The following DOK6 variants were observed in gnomAD, a reference collection of about 807,000 sequenced individuals.
DOK6 encodes the protein docking protein 6.
A neutral mutation model predicts 44.0 loss-of-function variants in DOK6; 22 were observed. The observed-to-expected ratio is 0.50, with a 90% CI of 0.36 to 0.71. DOK6 has a LOEUF of 0.71. Among genes scored for constraint, DOK6 ranks in the 30% least tolerant of loss-of-function variants. The probability of loss-of-function intolerance (pLI) is 0.00; values close to 1 mark genes in which losing one functional copy is unlikely to be tolerated. For synonymous variants in DOK6, 166 were observed against 145.5 expected (o/e 1.14, Z -1.01); for missense variants, 340 against 416.4 (o/e 0.82, Z 1.60).
At chr18:69,614,931 G>A (rs1021577933) in intron 3 of DOK6, among the ~76,000 whole-genome samples, 1 of 151,826 alleles carries the variant, frequency 6.6e-6, no homozygotes, top group Non-Finnish European at 1.5e-5. Flanking sequence ...AGATTGGAGG[G>A]GCTCACTTTC....
intron 5 of DOK6, among the ~76,000 whole-genome samples, chr18:69,711,485 G>T (rs994931395): frequency 6.6e-6 from 1 of 152,080 alleles, no homozygotes; most frequent in Non-Finnish European, 1.5e-5. Flanking sequence ...GCAATTAGTT[G>T]GTATATTCTC....
intron 1 of DOK6, among the ~76,000 whole-genome samples, chr18:69,519,684 C>G (rs1981634050): frequency 6.6e-6 from 1 of 151,846 alleles, no homozygotes. Context: ...ATTATTTTAT[C>G]AGTTTTACTG....
chr18:69,653,580 A>G, intron 3 of DOK6, among the ~76,000 whole-genome samples: 1 of 152,226 alleles, frequency 6.6e-6, no homozygotes, highest in Non-Finnish European at 1.5e-5. Context: ...TTCTGTAAAT[A>G]TCCCACATTT....
intron 2 of DOK6, among the ~76,000 whole-genome samples, chr18:69,575,331 A>G (rs1983213769): frequency 6.6e-6 from 1 of 152,122 alleles, no homozygotes. Flanking sequence ...ATTTTCATTA[A>G]GCAATTAGAA....
chr18:69,836,791 A>G (rs1982066936), intron 7 of DOK6, among the ~76,000 whole-genome samples: 1 of 152,212 alleles, frequency 6.6e-6, no homozygotes, highest in Admixed American at 6.5e-5. Context: ...TTGAAGCCAC[A>G]GAGTTGATTT....
rs1982348422 is a variant in DOK6 at position 69,846,542 on chromosome 18, GAT to G, written c.*5160_*5161del. The G allele has an allele frequency of 6.6e-6, 1 of 152,162 alleles. No homozygotes were observed. 9.4% of individuals were successfully genotyped at this position (152,162 alleles called of 1,614,324 possible). On this transcript the variant is annotated 3_prime_UTR_variant, in exon 8 of 8. Coordinates refer to ENST00000382713, the MANE Select transcript of DOK6 (RefSeq NM_152721.6). ...AGAGGTGTTATGGGGCAATTCATTA[GAT>G]TTCTGGTAGGTCATGAATGGTTGGT...
intron 1 of DOK6, among the ~76,000 whole-genome samples, chr18:69,433,674 A>G (rs1978869282): frequency 6.6e-6 from 1 of 152,168 alleles, no homozygotes; most frequent in South Asian, 2.1e-4. Flanking sequence ...TATTGAAAAA[A>G]AAACAAAAAC....
chr18:69,422,322 A>G (rs1978516116), intron 1 of DOK6, among the ~76,000 whole-genome samples: 1 of 152,196 alleles, frequency 6.6e-6, no homozygotes, highest in Non-Finnish European at 1.5e-5. Flanking sequence ...CTTCTCTGAA[A>G]TATAATTTTA....
chr18:69,599,485 T>C lies in DOK6; in HGVS notation c.276T>C (p.Phe92=), dbSNP rs754890322. 6.2e-7 allele frequency: 1 copy of C among 1,613,842 alleles called. No homozygotes were observed. The highest frequency in any genetic ancestry group is 1.1e-5 in the South Asian group (1 of 91,056). The change falls in exon 3 of 8, where the codon TTT becomes TTC. Residue 92 remains phenylalanine (F), a synonymous_variant. Transcript: ENST00000382713. ...IIFHDETSKT[F]ACESELEAEE... ...TTCACGATGAAACATCGAAGACATT[T>C]GCCTGTGAGTCAGGTAAGCTATTAT...
At chr18:69,783,484 C>T (rs180710290) in intron 7 of DOK6, among the ~76,000 whole-genome samples, 5 of 152,190 alleles carry the variant, frequency 3.3e-5, no homozygotes, top group African/African-American at 4.8e-5. Context: ...GTAAATTTAA[C>T]GTTACATTGG....
At chr18:69,564,432 A>C in intron 1 of DOK6, 55 bp from the exon 2 acceptor site, 1 of 1,491,032 alleles carries the variant, frequency 6.7e-7, no homozygotes, top group Admixed American at 1.9e-5. Context: ...TCAACTCCTA[A>C]TGTCGTAAAC....
At chr18:69,516,484 T>C (rs548679478) in intron 1 of DOK6, among the ~76,000 whole-genome samples, 3 of 152,232 alleles carry the variant, frequency 2.0e-5, no homozygotes, top group South Asian at 4.1e-4. Flanking sequence ...TGCAAAGACA[T>C]AGAGACATAA....
chr18:69,482,538 A>T (rs973131684), intron 1 of DOK6, among the ~76,000 whole-genome samples: 1 of 152,072 alleles, frequency 6.6e-6, no homozygotes, highest in South Asian at 2.1e-4. Context: ...TCATGACATT[A>T]TATGCTGGAA....
intron 1 of DOK6, among the ~76,000 whole-genome samples, chr18:69,546,956 A>G (rs576611261): frequency 3.3e-5 from 5 of 151,634 alleles, no homozygotes; most frequent in Admixed American, 6.6e-5. Context: ...CTGTACAGAA[A>G]GCATGACAGC....
chr18:69,408,886 A>C (rs1978294837), intron 1 of DOK6, among the ~76,000 whole-genome samples: 1 of 152,192 alleles, frequency 6.6e-6, no homozygotes, highest in African/African-American at 2.4e-5. Flanking sequence ...TTTATTAAAA[A>C]ACTATTAATT....
At chr18:69,427,198 C>T (rs1227728158) in intron 1 of DOK6, among the ~76,000 whole-genome samples, 1 of 152,146 alleles carries the variant, frequency 6.6e-6, no homozygotes, top group Non-Finnish European at 1.5e-5. Context: ...CTCTCCCTCT[C>T]TCTCTCTCTT....
chr18:69,500,536 G>T (rs1391762670), intron 1 of DOK6, among the ~76,000 whole-genome samples: 8 of 151,976 alleles, frequency 5.3e-5, no homozygotes. Flanking sequence ...CAATAACTCT[G>T]CCTCCTGGGT....
At position 69,663,064 on chromosome 18, in the gene DOK6, G is replaced by A. The variant is rs1376938326; in HGVS notation, c.290-14670G>A. On this transcript the variant is annotated intron_variant, in intron 3 of 7. Coordinates refer to ENST00000382713, the MANE Select transcript of DOK6 (RefSeq NM_152721.6). ...CTGCAGTTATTAACAAAGTCAAGGA[G>A]TTAAAAGGCAGTCTGCCTGCAGAAT... The A allele has an allele frequency of 7.2e-5, 11 of 152,350 alleles. No individual in the cohort carries two copies. In the East Asian group the frequency reaches 1.9e-3, roughly 27 times the overall value. The allele number at this position is 152,350 out of a possible 1,614,324, so 9.4% of individuals were successfully genotyped here.
At chr18:69,441,591 T>G (rs1979138272) in intron 1 of DOK6, among the ~76,000 whole-genome samples, 1 of 152,190 alleles carries the variant, frequency 6.6e-6, no homozygotes, top group Non-Finnish European at 1.5e-5. Context: ...ATAAATAACT[T>G]ACATTTACAA....
Sources: allele counts gnomAD v4.1 joint callset (sites outside exome capture counted in the v4.1 genomes callset), GRCh38; gene constraint gnomAD v4.1.1; transcripts MANE v1.5; gene names NCBI Gene and HGNC (gene_info 2026-07-23, HGNC 2026-07-21).